The following BMPER variants were observed in gnomAD, a reference collection of about 807,000 sequenced individuals.
BMPER encodes BMP binding endothelial regulator, also known as BMP-binding endothelial regulator protein.
BMPER carries 45 observed loss-of-function variants against 87.3 expected under a neutral mutation model. That is an observed-to-expected ratio of 0.52 (90% CI 0.41 to 0.66). The LOEUF is 0.66. Among genes scored for constraint, BMPER ranks in the 30% least tolerant of loss-of-function variants. The pLI is 0.00. For missense variants in BMPER, 784 were observed against 867.5 expected (o/e 0.90, Z 1.21); for synonymous variants, 326 against 316.2 (o/e 1.03, Z -0.33).
intron 6 of BMPER, among the ~76,000 whole-genome samples, chr7:34,013,341 A>C (rs534673844): frequency 2.8e-4 from 42 of 151,678 alleles, no homozygotes; most frequent in African/African-American, 9.9e-4. Flanking sequence ...GTATTTCTTG[A>C]ATCTATGGCT....
intron 13 of BMPER, among the ~76,000 whole-genome samples, chr7:34,092,677 C>T (rs1789419386): frequency 6.6e-6 from 1 of 152,144 alleles, no homozygotes; most frequent in Non-Finnish European, 1.5e-5. Flanking sequence ...CTGTTTGATC[C>T]ATCCAAGTCA....
intron 6 of BMPER, among the ~76,000 whole-genome samples, chr7:33,982,640 T>A (rs1785894594): frequency 6.6e-6 from 1 of 152,224 alleles, no homozygotes; most frequent in African/African-American, 2.4e-5. Flanking sequence ...TGTTTTATGT[T>A]AGAAAGAATC....
chr7:34,025,115 T>C (rs890844397), intron 6 of BMPER, among the ~76,000 whole-genome samples: 1 of 152,110 alleles, frequency 6.6e-6, no homozygotes, highest in Non-Finnish European at 1.5e-5. Context: ...TGTAGTCATG[T>C]AATTGCTGTT....
Position 34,143,421 on chromosome 7 carries a change from G to A in BMPER, c.1876+61G>A, listed in dbSNP as rs1024694932. The A allele has an allele frequency of 3.7e-6, 6 of 1,606,164 alleles. No homozygotes were observed. In the African/African-American group the frequency reaches 6.7e-5, roughly 18 times the overall value. On this transcript the variant is annotated intron_variant, in intron 14 of 14. Transcript: ENST00000649409. Reference sequence around the variant, plus strand: ...TTACTGCAATGCCCAAGATGGCAATGGAGGAGACTTGTGGATGCTGACATG... The same window carrying A: ...TTACTGCAATGCCCAAGATGGCAATAGAGGAGACTTGTGGATGCTGACATG...
At chr7:34,048,558 TAAGC>T (rs1379074581) in intron 7 of BMPER, among the ~76,000 whole-genome samples, 1 of 152,166 alleles carries the variant, frequency 6.6e-6, no homozygotes, top group Non-Finnish European at 1.5e-5. Flanking sequence ...AGTGGCCACT[TAAGC>T]AGGAAAGCCA....
At chr7:34,017,013 A>G (rs1434002610) in intron 6 of BMPER, among the ~76,000 whole-genome samples, 1 of 151,900 alleles carries the variant, frequency 6.6e-6, no homozygotes, top group Non-Finnish European at 1.5e-5. Context: ...TGGGTGAAGC[A>G]TGGCCTCTTT....
upstream of BMPER, chr7:33,905,506 G>T (rs886062294): frequency 6.2e-6 from 8 of 1,294,006 alleles, 1 homozygote; most frequent in Admixed American, 4.6e-5. Context: ...CTTCGCGGAC[G>T]GTCTCCCGAC....
Position 33,946,999 on chromosome 7 carries a change from A to C in BMPER, c.319+9611A>C, listed in dbSNP as rs138146686. On this transcript the variant is annotated intron_variant, in intron 3 of 14. Transcript: ENST00000649409. ...GAATATTCTTTAAAACAGAAAAGTA[A>C]GTAAATTATAACTAATTTCTCTAAG... Among the ~76,000 whole-genome samples, 490 of 152,368 alleles carry C rather than the reference A, an allele frequency of 3.2e-3. 2 individuals carry two copies. Among genetic ancestry groups the C allele is most frequent in the African/African-American group, 0.011 (473 of 41,588 alleles).
chr7:33,999,238 C>T lies in BMPER; in HGVS notation c.576+24454C>T, dbSNP rs538849694. On this transcript the variant is annotated intron_variant, in intron 6 of 14. Transcript: ENST00000649409. Reference sequence around the variant, plus strand: ...TTACCTGCCTGGGCACTGAGGACACCGTGAGCTTTGTCTGCAGAGGATGTG... The same window carrying T: ...TTACCTGCCTGGGCACTGAGGACACTGTGAGCTTTGTCTGCAGAGGATGTG... Among the ~76,000 whole-genome samples the T allele has an allele frequency of 1.1e-4, 17 of 152,268 alleles. No homozygotes were observed. In the East Asian group the frequency reaches 1.9e-3, roughly 17 times the overall value.
At chr7:34,075,043 T>C (rs1183512382) in intron 11 of BMPER, among the ~76,000 whole-genome samples, 4 of 152,182 alleles carry the variant, frequency 2.6e-5, no homozygotes, top group Admixed American at 2.6e-4. Flanking sequence ...TGTATAATTT[T>C]CCCTTAATTT....
chr7:33,984,504 T>C (rs1785949847), intron 6 of BMPER, among the ~76,000 whole-genome samples: 1 of 152,122 alleles, frequency 6.6e-6, no homozygotes, highest in African/African-American at 2.4e-5. Context: ...TATCTCTCCA[T>C]TGCAGTGATC....
intron 6 of BMPER, among the ~76,000 whole-genome samples, chr7:34,011,851 T>C (rs1027975037): frequency 6.6e-6 from 1 of 151,848 alleles, no homozygotes; most frequent in African/African-American, 2.4e-5. Flanking sequence ...TAAAATCTCC[T>C]TGGAAAGGCT....
intron 13 of BMPER, among the ~76,000 whole-genome samples, chr7:34,117,801 G>A (rs142396497): frequency 6.6e-6 from 1 of 152,166 alleles, no homozygotes; most frequent in African/African-American, 2.4e-5. Flanking sequence ...GTTGCTGTTA[G>A]GCCAGTTAAA....
At chr7:34,063,947 C>G (rs1418830826) in intron 11 of BMPER, among the ~76,000 whole-genome samples, 1 of 152,232 alleles carries the variant, frequency 6.6e-6, no homozygotes, top group Non-Finnish European at 1.5e-5. Flanking sequence ...TTACCTCTGC[C>G]AATCACATTG....
intron 2 of BMPER, among the ~76,000 whole-genome samples, chr7:33,929,579 G>T (rs1784434588): frequency 6.6e-6 from 1 of 152,192 alleles, no homozygotes; most frequent in African/African-American, 2.4e-5. Flanking sequence ...TAGCTGCAAG[G>T]GAAAGGTGGC....
intron 13 of BMPER, among the ~76,000 whole-genome samples, chr7:34,130,838 G>A (rs1790564963): frequency 6.6e-6 from 1 of 152,188 alleles, no homozygotes; most frequent in African/African-American, 2.4e-5. Context: ...TAGGAGAAGG[G>A]GGAGGAAGAA....
At chr7:33,991,756 T>G (rs530115588) in intron 6 of BMPER, among the ~76,000 whole-genome samples, 149 of 150,254 alleles carry the variant, frequency 9.9e-4, no homozygotes, top group African/African-American at 3.4e-3. Flanking sequence ...GGGCATTTAG[T>G]GCTATAAATT....
At chr7:34,123,034 C>A (rs1445866019) in intron 13 of BMPER, among the ~76,000 whole-genome samples, 1 of 152,028 alleles carries the variant, frequency 6.6e-6, no homozygotes, top group Non-Finnish European at 1.5e-5. Context: ...CTAAAGTGAA[C>A]TAAAATTATT....
intron 14 of BMPER, among the ~76,000 whole-genome samples, chr7:34,145,903 T>C (rs1015756062): frequency 2.0e-5 from 3 of 152,182 alleles, no homozygotes; most frequent in African/African-American, 4.8e-5. Context: ...ACTTTTCTAA[T>C]GGAAAAGGAA....
Sources: gnomAD v4.1 joint callset for allele counts (sites outside exome capture counted in the v4.1 genomes callset) on GRCh38, gnomAD v4.1.1 for gene constraint, MANE v1.5 for transcripts, NCBI Gene and HGNC (gene_info 2026-07-23, HGNC 2026-07-21) for gene names.